The following DENND1A variants were observed in gnomAD, a reference collection of about 807,000 sequenced individuals.
The protein encoded by DENND1A is DENN domain containing 1A, also known as DENN domain-containing protein 1A.
Under a neutral mutation model 113.7 loss-of-function variants are expected in DENND1A, and 51 were observed. The observed-to-expected ratio is 0.45, with a 90% confidence interval of 0.36 to 0.57. The LOEUF (loss-of-function observed/expected upper bound fraction) is 0.57, where lower values mean the gene tolerates loss of function less well. DENND1A is among the 20% of genes least tolerant of loss of function. The pLI, the probability that DENND1A is intolerant of heterozygous loss-of-function variation, is 0.00. For synonymous variants in DENND1A, 565 were observed against 570.8 expected, an observed-to-expected ratio of 0.99 and a Z score of 0.14; for missense variants, 1,258 against 1,395.9, an observed-to-expected ratio of 0.90 and a Z score of 1.57.
intron 13 of DENND1A, among the ~76,000 whole-genome samples, chr9:123,544,302 A>G (rs1481900242): frequency 1.3e-5 from 2 of 152,266 alleles, no homozygotes; most frequent in African/African-American, 4.8e-5. Flanking sequence ...TTAGCCAATT[A>G]AAATTATCTA....
intron 1 of DENND1A, among the ~76,000 whole-genome samples, chr9:123,904,166 C>A (rs1263957864): frequency 2.0e-5 from 3 of 152,192 alleles, no homozygotes; most frequent in East Asian, 3.9e-4. Context: ...AGGGTCCTGT[C>A]TGTTAGAAGG....
chr9:123,807,915 T>G (rs893249830), intron 2 of DENND1A, among the ~76,000 whole-genome samples: 1 of 152,122 alleles, frequency 6.6e-6, no homozygotes, highest in Non-Finnish European at 1.5e-5. Flanking sequence ...AGATTCAAAC[T>G]CAGATTTAAC....
At chr9:123,618,810 C>T (rs2060789319) in intron 10 of DENND1A, among the ~76,000 whole-genome samples, 1 of 152,238 alleles carries the variant, frequency 6.6e-6, no homozygotes, top group African/African-American at 2.4e-5. Flanking sequence ...ATACTCCTGA[C>T]ATCGGTGCCT....
At chr9:123,732,166 T>C (rs183635842) in intron 5 of DENND1A, among the ~76,000 whole-genome samples, 1 of 152,208 alleles carries the variant, frequency 6.6e-6, no homozygotes, top group African/African-American at 2.4e-5. Context: ...CTTGGCAACA[T>C]ACACCCAGCA....
intron 13 of DENND1A, among the ~76,000 whole-genome samples, chr9:123,520,325 G>A (rs2054294994): frequency 1.3e-5 from 2 of 152,082 alleles, no homozygotes; most frequent in South Asian, 4.2e-4. Context: ...CGGGCATGGT[G>A]ACAGGTGCCT....
chr9:123,768,845 G>A lies in DENND1A; in HGVS notation c.182+669C>T, dbSNP rs1021352845. 3.4e-4 allele frequency among the ~76,000 whole-genome samples: 49 copies of A among 146,108 alleles called. 1 individual carries two copies. The highest frequency in any genetic ancestry group is 4.8e-4 in the Non-Finnish European group (32 of 66,754). ...AATTCTTATCATTAACCAGTGGCTC[G>A]TTAAAAAGAAAAAAAAAAAACCTCA... On this transcript the variant is annotated intron_variant, in intron 4 of 23. Transcript: ENST00000394215.
At chr9:123,648,553 G>A (rs1389278216) in intron 9 of DENND1A, among the ~76,000 whole-genome samples, 1 of 152,004 alleles carries the variant, frequency 6.6e-6, no homozygotes, top group African/African-American at 2.4e-5. Flanking sequence ...ACTTATTTCC[G>A]ATACTAATTT....
intron 13 of DENND1A, among the ~76,000 whole-genome samples, chr9:123,511,481 C>T (rs2053458007): frequency 2.0e-5 from 3 of 152,182 alleles, no homozygotes; most frequent in Non-Finnish European, 1.5e-5. Context: ...ACTCAGAATC[C>T]CTGTCTCATC....
intron 13 of DENND1A, among the ~76,000 whole-genome samples, chr9:123,538,788 A>G (rs2056013298): frequency 8.8e-6 from 1 of 114,070 alleles, no homozygotes; most frequent in African/African-American, 3.5e-5. Context: ...GTGTGTATGA[A>G]TCCAAAGGTG....
chr9:123,539,915 C>T (rs1171538087), intron 13 of DENND1A, among the ~76,000 whole-genome samples: 1 of 151,562 alleles, frequency 6.6e-6, no homozygotes, highest in Non-Finnish European at 1.5e-5. Flanking sequence ...ATTACATCAT[C>T]CACTTGATTA....
intron 9 of DENND1A, among the ~76,000 whole-genome samples, chr9:123,631,495 T>C (rs573103659): frequency 2.0e-5 from 3 of 152,364 alleles, no homozygotes; most frequent in East Asian, 3.9e-4. Context: ...TTAATTTTCT[T>C]TGAATTTCTG....
intron 9 of DENND1A, among the ~76,000 whole-genome samples, chr9:123,650,362 G>C (rs1343641446): frequency 1.3e-5 from 2 of 152,166 alleles, no homozygotes; most frequent in African/African-American, 4.8e-5. Context: ...AGTAGTCTCA[G>C]AGAGTTTTCA....
At chr9:123,528,064 C>T (rs117076826) in intron 13 of DENND1A, among the ~76,000 whole-genome samples, 43 of 152,228 alleles carry the variant, frequency 2.8e-4, no homozygotes, top group Middle Eastern at 3.4e-3. Context: ...TCTAATTATT[C>T]AAAGAGAACA....
intron 2 of DENND1A, among the ~76,000 whole-genome samples, chr9:123,822,015 A>G (rs562304075): frequency 6.6e-6 from 1 of 152,368 alleles, no homozygotes; most frequent in Non-Finnish European, 1.5e-5. Context: ...GATGTAAAGA[A>G]TTAACTGAAA....
intron 5 of DENND1A, among the ~76,000 whole-genome samples, chr9:123,746,244 T>C (rs780879859): frequency 6.6e-6 from 1 of 152,218 alleles, no homozygotes. Context: ...ACAGGGACTT[T>C]ATCAAGTATT....
chr9:123,455,760 C>T lies in DENND1A; in HGVS notation c.1187-981G>A, dbSNP rs1201520696. Among the ~76,000 whole-genome samples, 8 of 152,328 alleles carry T rather than the reference C, an allele frequency of 5.3e-5. No individual in the cohort carries two copies. In the South Asian group the frequency reaches 1.0e-3, roughly 20 times the overall value. ...GTTCATTTTAAATGGTGGGTCTTAA[C>T]CTACTGAATAAGTGAGCTCAGTTTA... On this transcript the variant is annotated intron_variant, in intron 15 of 23. Coordinates refer to ENST00000394215, the MANE Select transcript of DENND1A (RefSeq NM_001352964.2).
rs1262941432 is a variant in DENND1A, at chr9:123,530,623, T to C, written c.993+26947A>G. ...TACTGTCAATATTTTGTTAGTTTTT[T>C]TAAAAGTGAAGATAAAATTGCAATA... is the stretch of plus-strand genomic sequence containing the variant. On this transcript the variant is annotated intron_variant, in intron 13 of 23. Transcript: ENST00000394215. Among the ~76,000 whole-genome samples, 3 of 152,324 alleles carry C rather than the reference T, an allele frequency of 2.0e-5. No homozygotes were observed. The East Asian group carries it at 5.8e-4, about 29-fold the overall frequency.
intron 2 of DENND1A, among the ~76,000 whole-genome samples, chr9:123,820,423 A>G (rs1009120334): frequency 1.3e-5 from 2 of 152,204 alleles, no homozygotes; most frequent in African/African-American, 4.8e-5. Flanking sequence ...CTGAATGCAG[A>G]GAGGCCACAT....
rs534516416 is a variant in DENND1A, at chr9:123,606,986, GA to G, written c.765+2449del. ...TGTGGATATGTTTAGGGATCAGCAG[GA>G]GCACAAGCTAACATGGGTCAGTGAC... On this transcript the variant is annotated intron_variant, in intron 11 of 23. Transcript: ENST00000394215. Among the ~76,000 whole-genome samples, 4 of 152,298 alleles carry G rather than the reference GA, an allele frequency of 2.6e-5. 1 individual carries two copies. In the South Asian group the frequency reaches 8.3e-4, roughly 32 times the overall value.
Sources: gnomAD v4.1 joint callset for allele counts (sites outside exome capture counted in the v4.1 genomes callset) on GRCh38, gnomAD v4.1.1 for gene constraint, MANE v1.5 for transcripts, NCBI Gene and HGNC (gene_info 2026-07-23, HGNC 2026-07-21) for gene names.